The following TCF4 variants were observed in gnomAD, a reference collection of about 807,000 sequenced individuals.
TCF4 encodes the protein SL3-3 enhancer factor 2.
In TCF4, 3 loss-of-function variants were observed where a neutral mutation model predicts 82.1. The ratio of observed to expected loss-of-function variants is 0.04; its 90% CI spans 0.02 to 0.09. The LOEUF is 0.09. Ranked by LOEUF, TCF4 falls within the 10% of genes least tolerant of loss-of-function variation. The probability of loss-of-function intolerance (pLI) is 1.00; values close to 1 mark genes in which losing one functional copy is unlikely to be tolerated. For missense variants in TCF4, 518 were observed against 852.7 expected, an observed-to-expected ratio of 0.61 and a Z score of 4.89; for synonymous variants, 276 against 309.6, an observed-to-expected ratio of 0.89 and a Z score of 1.14.
At chr18:55,615,060 T>C (rs1205973238) in intron 2 of TCF4, among the ~76,000 whole-genome samples, 2 of 152,160 alleles carry the variant, frequency 1.3e-5, no homozygotes, top group East Asian at 3.8e-4. Context: ...TTTGTCTGCA[T>C]TGTGGTAAAT....
intron 5 of TCF4, among the ~76,000 whole-genome samples, chr18:55,449,390 T>C (rs1055358402): frequency 6.6e-6 from 1 of 152,224 alleles, no homozygotes; most frequent in Non-Finnish European, 1.5e-5. Context: ...AAGTATGAAT[T>C]TAATCCTGTC....
intron 5 of TCF4, among the ~76,000 whole-genome samples, chr18:55,438,281 C>A (rs1228200037): frequency 1.3e-5 from 2 of 151,680 alleles, no homozygotes; most frequent in Non-Finnish European, 2.9e-5. Flanking sequence ...GCCCCTCACT[C>A]TCTCCTCTCA....
At position 55,372,721 on chromosome 18, in the gene TCF4, C is replaced by T. The variant is rs145363415; in HGVS notation, c.370-21718G>A. 1.9e-3 allele frequency among the ~76,000 whole-genome samples: 291 copies of T among 152,200 alleles called. 1 individual carries two copies. The highest frequency in any genetic ancestry group is 6.6e-3 in the African/African-American group (276 of 41,522). On this transcript the variant is annotated intron_variant, in intron 6 of 19. Transcript: ENST00000354452. ...GATGGGGCAAGGAAACGCTAGTAGA[C>T]TCTATGTGACTGTTGATGCAATTTA...
chr18:55,293,172 C>G (rs1018759283), intron 8 of TCF4, among the ~76,000 whole-genome samples: 1 of 152,018 alleles, frequency 6.6e-6, no homozygotes, highest in Admixed American at 6.6e-5. Context: ...GTAGTGGGCC[C>G]TTAAGTTACA....
chr18:55,476,241 A>G (rs997556423), intron 3 of TCF4, among the ~76,000 whole-genome samples: 22 of 152,204 alleles, frequency 1.4e-4, no homozygotes, highest in Non-Finnish European at 5.9e-5. Flanking sequence ...GCCACTTTTA[A>G]AAGAATATAT....
At chr18:55,346,923 AT>A (rs1473571938) in intron 8 of TCF4, among the ~76,000 whole-genome samples, 5 of 152,014 alleles carry the variant, frequency 3.3e-5, no homozygotes, top group African/African-American at 9.7e-5. Context: ...ATCATAAATC[AT>A]TTTTTTCCAA....
At chr18:55,322,324 T>TA (rs1250730681) in intron 8 of TCF4, 2 of 1,015,028 alleles carry the variant, frequency 2.0e-6, no homozygotes, top group East Asian at 1.3e-4. Flanking sequence ...GATGCACATC[T>TA]AATAACTCTG....
chr18:55,250,458 C>T (rs1234020973), intron 15 of TCF4, among the ~76,000 whole-genome samples: 1 of 152,220 alleles, frequency 6.6e-6, no homozygotes, highest in African/African-American at 2.4e-5. Flanking sequence ...AAGGTGTTCT[C>T]ATAGATAATC....
At chr18:55,456,127 G>A (rs769341502) in intron 5 of TCF4, among the ~76,000 whole-genome samples, 25 of 152,256 alleles carry the variant, frequency 1.6e-4, no homozygotes, top group Non-Finnish European at 2.6e-4. Context: ...CAAACGGAGC[G>A]GTGGAACCGA....
At chr18:55,253,520 G>A (rs1315045411) in intron 15 of TCF4, among the ~76,000 whole-genome samples, 5 of 152,116 alleles carry the variant, frequency 3.3e-5, no homozygotes, top group Non-Finnish European at 7.4e-5. Context: ...CTATTAAGAA[G>A]AGTCTCTGAA....
At chr18:55,499,641 C>G (rs567914913) in intron 3 of TCF4, among the ~76,000 whole-genome samples, 25 of 152,164 alleles carry the variant, frequency 1.6e-4, no homozygotes, top group Admixed American at 1.2e-3. Context: ...TCTCCAAGCT[C>G]CCCAAGTGAT....
At chr18:55,441,265 G>T (rs890705525) in intron 5 of TCF4, among the ~76,000 whole-genome samples, 5 of 152,156 alleles carry the variant, frequency 3.3e-5, no homozygotes, top group Non-Finnish European at 5.9e-5. Context: ...ATTATCACAT[G>T]CTCTTAAAAT....
chr18:55,260,152 C>G, intron 12 of TCF4, 125 bp from the exon 13 acceptor site: 1 of 723,852 alleles, frequency 1.4e-6, no homozygotes, highest in Non-Finnish European at 2.4e-6. Context: ...ATGTAATAAT[C>G]AACTACAGTA....
rs151150677 is a variant in TCF4, at chr18:55,228,336, C to G, written c.1905G>C (p.Ala635=). ...VRERNLNPKA[A]CLKRREEEKV... Reference sequence around the variant, plus strand: ...TCTCTTCCTCCCTTCTTTTCAGACACGCAGCTTTCGGATTCAGATTCCTTT... The same window carrying G: ...TCTCTTCCTCCCTTCTTTTCAGACAGGCAGCTTTCGGATTCAGATTCCTTT... The change falls in exon 19 of 20, where the codon GCG becomes GCC. Residue 635 remains alanine (A), a synonymous_variant. Coordinates refer to ENST00000354452, the MANE Select transcript of TCF4 (RefSeq NM_001083962.2). The G allele has an allele frequency of 9.9e-6, 16 of 1,614,018 alleles. No homozygotes were observed. The highest frequency in any genetic ancestry group is 1.4e-5 in the Non-Finnish European group (16 of 1,180,036).
At chr18:55,249,509 C>T (rs1032645947) in intron 15 of TCF4, among the ~76,000 whole-genome samples, 1 of 152,158 alleles carries the variant, frequency 6.6e-6, no homozygotes, top group African/African-American at 2.4e-5. Flanking sequence ...GAGATGACCA[C>T]TCCTCTACTA....
At chr18:55,394,800 T>C (rs930404117) in intron 6 of TCF4, among the ~76,000 whole-genome samples, 20 of 152,200 alleles carry the variant, frequency 1.3e-4, no homozygotes, top group African/African-American at 4.8e-4. Flanking sequence ...GGAAGCTCAG[T>C]TGATCTGTGA....
At chr18:55,487,759 CTA>C (rs1460282429) in intron 3 of TCF4, among the ~76,000 whole-genome samples, 1 of 151,748 alleles carries the variant, frequency 6.6e-6, no homozygotes, top group African/African-American at 2.4e-5. Context: ...ATAAAAATTT[CTA>C]TGAGATGAAA....
intron 6 of TCF4, among the ~76,000 whole-genome samples, chr18:55,370,427 T>TGATAGATAGATAGATA (rs10566649): frequency 9.7e-5 from 14 of 145,072 alleles, no homozygotes; most frequent in East Asian, 2.1e-4. Flanking sequence ...GATAGACAGA[T>TGATAGATAGATAGATA]GATAGATAGA....
chr18:55,516,376 T>A (rs2096881675), intron 3 of TCF4, among the ~76,000 whole-genome samples: 1 of 151,894 alleles, frequency 6.6e-6, no homozygotes, highest in South Asian at 2.1e-4. Flanking sequence ...TACTGTCTGG[T>A]TTTTTGGGTT....
Sources: allele counts gnomAD v4.1 joint callset (sites outside exome capture counted in the v4.1 genomes callset), GRCh38; gene constraint gnomAD v4.1.1; transcripts MANE v1.5; gene names NCBI Gene and HGNC (gene_info 2026-07-23, HGNC 2026-07-21).